ACSS2: variants seen among roughly 807,000 people sequenced by gnomAD.
ACSS2 encodes the protein acyl-CoA synthetase short chain family member 2.
A neutral mutation model predicts 90.6 loss-of-function variants in ACSS2; 58 were observed. The ratio of observed to expected loss-of-function variants is 0.64; its 90% CI spans 0.52 to 0.80. The LOEUF (loss-of-function observed/expected upper bound fraction) is 0.80. ACSS2 is among the 30% of genes least tolerant of loss of function. ACSS2 has a pLI of 0.00. For missense variants in ACSS2, 759 were observed against 912.0 expected (o/e 0.83, Z 2.16); for synonymous variants, 300 against 330.9 (o/e 0.91, Z 1.01).
intron 2 of ACSS2, among the ~76,000 whole-genome samples, chr20:34,899,443 C>T (rs1406049614): frequency 1.0e-4 from 14 of 137,374 alleles, no homozygotes; most frequent in South Asian, 4.9e-4. Flanking sequence ...TCCTTCCTTC[C>T]TTCCTTCCTT....
At chr20:34,924,953 G>A (rs2081285991) in intron 14 of ACSS2, among the ~76,000 whole-genome samples, 1 of 151,898 alleles carries the variant, frequency 6.6e-6, no homozygotes, top group East Asian at 1.9e-4. Context: ...GCCTCCCAAA[G>A]TGCTGGGATT....
At chr20:34,902,847 T>C (rs112923151) in intron 2 of ACSS2, among the ~76,000 whole-genome samples, 12 of 151,136 alleles carry the variant, frequency 7.9e-5, no homozygotes, top group African/African-American at 2.7e-4. Context: ...CACCTCAGCC[T>C]CCTGAGTAGC....
At chr20:34,900,128 T>C (rs2080611868) in intron 2 of ACSS2, among the ~76,000 whole-genome samples, 1 of 151,880 alleles carries the variant, frequency 6.6e-6, no homozygotes, top group African/African-American at 2.4e-5. Context: ...TGGGATCTGA[T>C]TGTTATTTTG....
chr20:34,881,485 A>G (rs2080071559), intron 1 of ACSS2, among the ~76,000 whole-genome samples: 1 of 152,166 alleles, frequency 6.6e-6, no homozygotes, highest in Non-Finnish European at 1.5e-5. Flanking sequence ...CCCTTCAATG[A>G]ATTTTCATTG....
chr20:34,882,281 G>A (rs1250037377), intron 1 of ACSS2, among the ~76,000 whole-genome samples: 2 of 152,162 alleles, frequency 1.3e-5, no homozygotes, highest in Non-Finnish European at 1.5e-5. Context: ...ACAGGAGGAA[G>A]AATTTGAGTC....
chr20:34,886,859 T>C (rs2080207445), intron 2 of ACSS2, among the ~76,000 whole-genome samples: 1 of 152,232 alleles, frequency 6.6e-6, no homozygotes. Context: ...TAGAAACACA[T>C]TATGGCTTTC....
At chr20:34,905,122 T>C (rs183642431) in intron 2 of ACSS2, among the ~76,000 whole-genome samples, 95 of 152,176 alleles carry the variant, frequency 6.2e-4, no homozygotes, top group African/African-American at 2.2e-3. Context: ...CTCACCATGT[T>C]GCCCAGGCCA....
At chr20:34,876,892 G>A in intron 1 of ACSS2, 69 bp downstream of exon 1, 1 of 1,108,572 alleles carries the variant, frequency 9.0e-7, no homozygotes. Context: ...GGGGGAGTCG[G>A]GGGCTCCCTT....
At chr20:34,909,436 G>T (rs983119478) in intron 2 of ACSS2, among the ~76,000 whole-genome samples, 1 of 152,160 alleles carries the variant, frequency 6.6e-6, no homozygotes, top group Middle Eastern at 3.4e-3. Context: ...ATGATATCAA[G>T]GTATATTGTT....
chr20:34,915,280 G>T (rs1319428483), intron 7 of ACSS2: 1 of 1,613,686 alleles, frequency 6.2e-7, no homozygotes, highest in Non-Finnish European at 8.5e-7. Context: ...CACTGCCGTG[G>T]GCACCGCTTC....
Position 34,876,641 on chromosome 20 carries a change from A to G in ACSS2, c.-5A>G. 1.5e-6 allele frequency: 2 copies of G among 1,359,410 alleles called. No homozygotes were observed. The highest frequency in any genetic ancestry group is 1.9e-6 in the Non-Finnish European group (2 of 1,049,330). The allele number at this position is 1,359,410 out of a possible 1,614,324, so 84.2% of individuals were successfully genotyped here. On this transcript the variant is annotated 5_prime_UTR_variant, in exon 1 of 18. Coordinates refer to ENST00000360596, the MANE Select transcript of ACSS2 (RefSeq NM_018677.4). ...AGGCGGCCGCGGTTCTAGGAACTTG[A>G]CGTGATGGGGCTTCCTGAGGAGCGG...
chr20:34,888,870 A>G (rs1033227204), intron 2 of ACSS2, among the ~76,000 whole-genome samples: 1 of 152,202 alleles, frequency 6.6e-6, no homozygotes, highest in African/African-American at 2.4e-5. Flanking sequence ...CTAGGAAGTT[A>G]GTGTAGCTAA....
At chr20:34,909,246 T>C (rs1433289881) in intron 2 of ACSS2, among the ~76,000 whole-genome samples, 1 of 149,116 alleles carries the variant, frequency 6.7e-6, no homozygotes, top group Non-Finnish European at 1.5e-5. Context: ...CTCTGGCCTG[T>C]AGTCCCAACT....
intron 1 of ACSS2, among the ~76,000 whole-genome samples, chr20:34,880,978 T>C (rs1256825671): frequency 1.3e-5 from 2 of 151,792 alleles, no homozygotes; most frequent in East Asian, 1.9e-4. Flanking sequence ...GTAAGGTTAC[T>C]TCCATTGTTA....
At chr20:34,909,061 T>A in intron 2 of ACSS2, 1 of 354,602 alleles carries the variant, frequency 2.8e-6, no homozygotes, top group East Asian at 8.9e-5. Flanking sequence ...AAATAGCTCT[T>A]TAAGCTTGGC....
chr20:34,914,207 C>A (rs2081028011), intron 6 of ACSS2, 36 bp downstream of exon 6: 3 of 1,612,412 alleles, frequency 1.9e-6, no homozygotes, highest in Non-Finnish European at 2.5e-6. Flanking sequence ...GTTGACTGAG[C>A]CTTTCCCCAG....
At chr20:34,875,596 A>C (rs2079889920), upstream of ACSS2, among the ~76,000 whole-genome samples, 1 of 152,178 alleles carries the variant, frequency 6.6e-6, no homozygotes, top group Non-Finnish European at 1.5e-5. Flanking sequence ...ACAAAAAAAG[A>C]GAATGTGAAT....
rs202225735 is a variant in ACSS2, at chr20:34,919,504, C to T, written c.904C>T (p.Pro302Ser). 269 of 1,612,416 alleles carry T rather than the reference C, an allele frequency of 1.7e-4. No homozygotes were observed. Among genetic ancestry groups the T allele is most frequent in the East Asian group, 1.8e-4 (8 of 44,856 alleles). The change falls in exon 8 of 18, where the codon CCC (proline) becomes TCC (serine). Residue 302 changes from proline to serine, a missense_variant. Coordinates refer to ENST00000360596, the MANE Select transcript of ACSS2 (RefSeq NM_018677.4). The stretch of plus-strand genomic sequence containing the variant: ...GCAAGAGGCAGGGGATGAGTGTGAG[C>T]CCGAGTGGTGTGATGCCGAGGACCC... The part of the protein sequence containing the change: ...LMQEAGDECE[P>S]EWCDAEDPLF...
chr20:34,887,046 CCTTTTA>C (rs1467334709), intron 2 of ACSS2, among the ~76,000 whole-genome samples: 1 of 152,166 alleles, frequency 6.6e-6, no homozygotes, highest in East Asian at 1.9e-4. Context: ...AATAATTTGG[CCTTTTA>C]CTTTTGGCTT....
Sources: allele counts gnomAD v4.1 joint callset (sites outside exome capture counted in the v4.1 genomes callset), GRCh38; gene constraint gnomAD v4.1.1; transcripts MANE v1.5; gene names NCBI Gene and HGNC (gene_info 2026-07-23, HGNC 2026-07-21).